The following ITPK1 variants were observed in gnomAD, a reference collection of about 807,000 sequenced individuals.
The protein encoded by ITPK1 is inositol 1,3,4-trisphosphate 5/6-kinase.
A neutral mutation model predicts 45.3 loss-of-function variants in ITPK1; 21 were observed. That is an observed-to-expected ratio of 0.46 (90% CI 0.33 to 0.67). The LOEUF is 0.67. Among genes scored for constraint, ITPK1 ranks in the 30% least tolerant of loss-of-function variants. ITPK1 has a pLI of 0.02. For synonymous variants in ITPK1, 258 were observed against 253.6 expected (o/e 1.02, Z -0.16); for missense variants, 474 against 573.5 (o/e 0.83, Z 1.77).
At chr14:93,114,729 T>TA (rs1892870934) in intron 2 of ITPK1, among the ~76,000 whole-genome samples, 1 of 152,108 alleles carries the variant, frequency 6.6e-6, no homozygotes, top group South Asian at 2.1e-4. Context: ...CTCAAGCCCT[T>TA]ACCCCACAGC....
chr14:92,956,900 AG>A (rs1884764142), intron 8 of ITPK1, among the ~76,000 whole-genome samples: 1 of 152,228 alleles, frequency 6.6e-6, no homozygotes. Flanking sequence ...CCCAGTGGGC[AG>A]GGGCTGGGAC....
chr14:93,013,589 G>A (rs1888025877), intron 4 of ITPK1, among the ~76,000 whole-genome samples: 1 of 152,140 alleles, frequency 6.6e-6, no homozygotes, highest in Admixed American at 6.5e-5. Context: ...CCTGAGTATG[G>A]ACTGTGGAGA....
At chr14:92,971,805 G>A (rs1338240630) in intron 5 of ITPK1, among the ~76,000 whole-genome samples, 2 of 152,192 alleles carry the variant, frequency 1.3e-5, no homozygotes, top group East Asian at 1.9e-4. Flanking sequence ...GCAGGGACGC[G>A]GTGAGGCCAC....
chr14:92,946,210 C>T (rs992349047), intron 10 of ITPK1, 121 bp downstream of exon 10: 30 of 1,187,034 alleles, frequency 2.5e-5, no homozygotes, highest in Admixed American at 1.8e-4. Flanking sequence ...TGCACCTCCC[C>T]GGACCTCGTG....
At chr14:93,111,007 TC>T (rs1892728320) in intron 2 of ITPK1, among the ~76,000 whole-genome samples, 2 of 143,226 alleles carry the variant, frequency 1.4e-5, no homozygotes, top group Non-Finnish European at 3.0e-5. Flanking sequence ...GATGTCCTCA[TC>T]CCTCATCCCT....
At chr14:93,021,549 T>C (rs10144603) in intron 3 of ITPK1, among the ~76,000 whole-genome samples, 77,584 of 150,966 alleles carry the variant, frequency 0.51, 21,099 homozygotes, top group African/African-American at 0.7. Flanking sequence ...GCCGAGATGA[T>C]GCCACTGCAC....
chr14:92,958,678 AG>A lies in ITPK1; in HGVS notation c.505-313del, dbSNP rs1358522938. Among the ~76,000 whole-genome samples the A allele has an allele frequency of 6.6e-6, 1 of 152,194 alleles. No individual in the cohort carries two copies. Among genetic ancestry groups the A allele is most frequent in the Non-Finnish European group, 1.5e-5 (1 of 68,030 alleles). The stretch of plus-strand genomic sequence containing the variant: ...CACTTGTCGCACTGTGGTCCAGGGA[AG>A]GGGGCCGCTGAGGTTGTGTGCTGCT... On this transcript the variant is annotated intron_variant, in intron 7 of 10. Coordinates refer to ENST00000267615, the MANE Select transcript of ITPK1 (RefSeq NM_014216.6). The surrounding 1 kb of genome is among the most constrained non-coding windows in gnomAD (Gnocchi z 4.4).
At chr14:92,974,752 C>A (rs1036011651) in intron 5 of ITPK1, among the ~76,000 whole-genome samples, 1 of 152,216 alleles carries the variant, frequency 6.6e-6, no homozygotes, top group South Asian at 2.1e-4. Flanking sequence ...GCACTCAAGG[C>A]CAATGGCAAA....
chr14:93,025,878 G>A (rs1163670840), intron 3 of ITPK1, among the ~76,000 whole-genome samples: 1 of 152,180 alleles, frequency 6.6e-6, no homozygotes, highest in African/African-American at 2.4e-5. Flanking sequence ...TCCCAGCATG[G>A]GATTGTTGGA....
At chr14:92,970,160 G>C (rs1214936048) in intron 5 of ITPK1, among the ~76,000 whole-genome samples, 1 of 152,224 alleles carries the variant, frequency 6.6e-6, no homozygotes, top group African/African-American at 2.4e-5. Context: ...GACCCGAGAG[G>C]ACAACAGGGG....
chr14:93,024,939 A>C (rs1888663124), intron 3 of ITPK1, among the ~76,000 whole-genome samples: 1 of 151,272 alleles, frequency 6.6e-6, no homozygotes, highest in African/African-American at 2.4e-5. Context: ...GGCTGGGGGG[A>C]GCTATCATGT....
chr14:93,027,179 G>T (rs1888781472), intron 3 of ITPK1, among the ~76,000 whole-genome samples: 1 of 152,184 alleles, frequency 6.6e-6, no homozygotes, highest in Non-Finnish European at 1.5e-5. Flanking sequence ...AGAGGACCAG[G>T]GGGCTTGTGG....
chr14:92,972,571 C>T (rs1395312247), intron 5 of ITPK1, among the ~76,000 whole-genome samples: 1 of 152,150 alleles, frequency 6.6e-6, no homozygotes, highest in African/African-American at 2.4e-5. Context: ...GAATATACTT[C>T]CCAACTCTTT....
At position 93,032,449 on chromosome 14, in the gene ITPK1, C is replaced by T. The variant is rs993834351; in HGVS notation, c.121-15648G>A. Among the ~76,000 whole-genome samples, 22 of 152,312 alleles carry T rather than the reference C, an allele frequency of 1.4e-4. No homozygotes were observed. Among genetic ancestry groups the T allele is most frequent in the Admixed American group, 3.9e-4 (6 of 15,300 alleles). On this transcript the variant is annotated intron_variant, in intron 3 of 10. Coordinates refer to ENST00000267615, the MANE Select transcript of ITPK1 (RefSeq NM_014216.6). The surrounding 1 kb of genome is among the most constrained non-coding windows in gnomAD (Gnocchi z 4.0). ...AAAATCATTTGCAAAGACTCGGTTGCGTCAAGCTAAGCAGCAGCAGAAGCT... is the reference window on the plus strand; with the variant it reads ...AAAATCATTTGCAAAGACTCGGTTGTGTCAAGCTAAGCAGCAGCAGAAGCT...
intron 3 of ITPK1, among the ~76,000 whole-genome samples, chr14:93,054,902 C>T (rs185036837): frequency 2.0e-5 from 3 of 152,258 alleles, no homozygotes; most frequent in Admixed American, 2.0e-4. Context: ...GAATATTTCA[C>T]AAACTGGCAC....
At chr14:93,080,942 G>T (rs1327945618) in intron 2 of ITPK1, among the ~76,000 whole-genome samples, 3 of 151,978 alleles carry the variant, frequency 2.0e-5, no homozygotes, top group African/African-American at 7.2e-5. Context: ...CACCATGTTG[G>T]CCAGGCTGGT....
chr14:92,999,531 G>A (rs1033286052), intron 4 of ITPK1, among the ~76,000 whole-genome samples: 1 of 152,212 alleles, frequency 6.6e-6, no homozygotes, highest in Non-Finnish European at 1.5e-5. Flanking sequence ...CCAGTGGGTG[G>A]GGAGGCTGGA....
intron 7 of ITPK1, among the ~76,000 whole-genome samples, chr14:92,960,616 C>G (rs1885019142): frequency 6.6e-6 from 1 of 152,250 alleles, no homozygotes; most frequent in South Asian, 2.1e-4. Context: ...GCTCCCTCCT[C>G]CCGGGCTGCC....
At position 93,016,218 on chromosome 14, in the gene ITPK1, G is replaced by T. The variant is rs562448088; in HGVS notation, c.246+458C>A. Among the ~76,000 whole-genome samples, 1 of 152,242 alleles carries T rather than the reference G, an allele frequency of 6.6e-6. No individual in the cohort carries two copies. The highest frequency in any genetic ancestry group is 2.1e-4 in the South Asian group (1 of 4,814). On this transcript the variant is annotated intron_variant, in intron 4 of 10. Coordinates refer to ENST00000267615, the MANE Select transcript of ITPK1 (RefSeq NM_014216.6). The surrounding 1 kb of genome is among the most constrained non-coding windows in gnomAD (Gnocchi z 5.0). The stretch of plus-strand genomic sequence containing the variant: ...AAGATACCTCAGGCCATGCTCAAAG[G>T]TGAGTACCCAGGTCAAAGTAATGGG...
Sources: gnomAD v4.1 joint callset for allele counts (sites outside exome capture counted in the v4.1 genomes callset) on GRCh38, gnomAD v4.1.1 for gene constraint, Gnocchi (gnomAD v3.1) non-coding constraint, MANE v1.5 for transcripts, NCBI Gene and HGNC (gene_info 2026-07-23, HGNC 2026-07-21) for gene names.